GRM7: variants seen among roughly 807,000 people sequenced by gnomAD.
GRM7 encodes metabotropic glutamate receptor 7.
A neutral mutation model predicts 84.5 loss-of-function variants in GRM7; 35 were observed. That is an observed-to-expected ratio of 0.41 (90% CI 0.32 to 0.55). The LOEUF (loss-of-function observed/expected upper bound fraction) is 0.55. Among genes scored for constraint, GRM7 ranks in the 20% least tolerant of loss-of-function variants. The pLI is 0.19. For missense variants in GRM7, 1,003 were observed against 1,194.6 expected (o/e 0.84, Z 2.36); for synonymous variants, 487 against 455.1 (o/e 1.07, Z -0.89).
chr3:7,514,970 C>CATCT (rs1181910448), intron 7 of GRM7, among the ~76,000 whole-genome samples: 5 of 151,600 alleles, frequency 3.3e-5, no homozygotes, highest in Non-Finnish European at 7.4e-5. Flanking sequence ...TCACAGAAGA[C>CATCT]ATCTAGTGCT....
intron 4 of GRM7, among the ~76,000 whole-genome samples, chr3:7,395,134 G>A (rs528149590): frequency 9.9e-5 from 15 of 151,438 alleles, no homozygotes; most frequent in South Asian, 2.1e-4. Context: ...CTTCTTTTCC[G>A]CTTTAAATAT....
intron 1 of GRM7, among the ~76,000 whole-genome samples, chr3:7,100,625 C>G (rs893904488): frequency 3.3e-4 from 50 of 151,670 alleles, no homozygotes; most frequent in African/African-American, 1.1e-3. Flanking sequence ...GGAAATGCGA[C>G]TTTTCTTAAC....
intron 8 of GRM7, among the ~76,000 whole-genome samples, chr3:7,581,034 C>T (rs1695224726): frequency 6.6e-6 from 1 of 152,062 alleles, no homozygotes; most frequent in African/African-American, 2.4e-5. Flanking sequence ...AGGTTGAAGA[C>T]ATTAAAACCT....
chr3:7,581,969 T>C (rs1695279039), intron 8 of GRM7, among the ~76,000 whole-genome samples: 1 of 152,180 alleles, frequency 6.6e-6, no homozygotes, highest in African/African-American at 2.4e-5. Flanking sequence ...CCATGACTTC[T>C]AGAATGAGCA....
At chr3:6,901,974 T>G (rs1214305570) in intron 1 of GRM7, among the ~76,000 whole-genome samples, 1 of 152,104 alleles carries the variant, frequency 6.6e-6, no homozygotes, top group Non-Finnish European at 1.5e-5. Flanking sequence ...TTGTCTGTCT[T>G]AAGAACTTTT....
At position 7,596,598 on chromosome 3, in the gene GRM7, AG is replaced by A. The variant is rs141159739; in HGVS notation, c.2451+17244del. Among the ~76,000 whole-genome samples the A allele has an allele frequency of 7.7e-3, 1,178 of 152,252 alleles. 17 individuals carry two copies. The highest frequency in any genetic ancestry group is 0.024 in the African/African-American group (987 of 41,542). Reference sequence around the variant, plus strand: ...AGTTACCCAAAAAGTGATTGAGGAAAGGGTGAGGAGAAAGAGGGAATGAACC... The same window carrying A: ...AGTTACCCAAAAAGTGATTGAGGAAAGGTGAGGAGAAAGAGGGAATGAACC... On this transcript the variant is annotated intron_variant, in intron 8 of 9. Transcript: ENST00000357716.
chr3:7,291,420 G>A (rs573244195), intron 2 of GRM7, among the ~76,000 whole-genome samples: 2 of 151,940 alleles, frequency 1.3e-5, no homozygotes, highest in Admixed American at 1.3e-4. Flanking sequence ...CTGTGGCCTA[G>A]TGGTGCCAAG....
intron 1 of GRM7, among the ~76,000 whole-genome samples, chr3:6,885,270 C>G (rs1282235758): frequency 3.3e-5 from 5 of 152,144 alleles, no homozygotes; most frequent in African/African-American, 1.2e-4. Context: ...GCAGGGCTAC[C>G]CCCTAGGCAG....
chr3:7,143,339 C>T (rs901292065), intron 1 of GRM7, among the ~76,000 whole-genome samples: 13 of 152,124 alleles, frequency 8.5e-5, no homozygotes, highest in African/African-American at 2.9e-4. Context: ...AGTCCTTCAC[C>T]TCTATTGCTA....
intron 8 of GRM7, among the ~76,000 whole-genome samples, chr3:7,654,877 A>G (rs534109845): frequency 1.3e-5 from 2 of 152,178 alleles, no homozygotes; most frequent in Non-Finnish European, 2.9e-5. Flanking sequence ...CCACACATAT[A>G]TTTTACTTCT....
At chr3:7,546,215 G>T (rs1283631862) in intron 7 of GRM7, among the ~76,000 whole-genome samples, 2 of 152,134 alleles carry the variant, frequency 1.3e-5, no homozygotes, top group East Asian at 3.8e-4. Context: ...AGAAAAGTTG[G>T]AAAGAATGGT....
chr3:7,571,605 G>A (rs2125046138), intron 7 of GRM7, among the ~76,000 whole-genome samples: 3 of 152,264 alleles, frequency 2.0e-5, no homozygotes, highest in Admixed American at 2.0e-4. Context: ...CATTCAACAA[G>A]TCTTTAGAGA....
At chr3:6,987,861 A>G (rs1220844878) in intron 1 of GRM7, among the ~76,000 whole-genome samples, 3 of 152,164 alleles carry the variant, frequency 2.0e-5, no homozygotes, top group Non-Finnish European at 2.9e-5. Flanking sequence ...CTAGGCCAGG[A>G]TGGTAGCCAT....
intron 1 of GRM7, among the ~76,000 whole-genome samples, chr3:7,052,545 A>C (rs2124956966): frequency 6.6e-6 from 1 of 151,334 alleles, no homozygotes; most frequent in African/African-American, 2.4e-5. Context: ...TTTGAATTTA[A>C]TCATCCCACC....
intron 2 of GRM7, among the ~76,000 whole-genome samples, chr3:7,249,429 C>T (rs1697895682): frequency 6.6e-6 from 1 of 152,068 alleles, no homozygotes; most frequent in African/African-American, 2.4e-5. Context: ...TTGAAGATTT[C>T]TCTGTATTAC....
intron 7 of GRM7, among the ~76,000 whole-genome samples, chr3:7,525,196 C>T (rs1008965528): frequency 1.3e-5 from 2 of 151,800 alleles, no homozygotes; most frequent in Non-Finnish European, 2.9e-5. Flanking sequence ...AGCACACCAG[C>T]ATGGCACATG....
intron 2 of GRM7, among the ~76,000 whole-genome samples, chr3:7,236,901 A>G (rs78213640): frequency 0.029 from 4,487 of 152,292 alleles, 184 homozygotes; most frequent in African/African-American, 0.095. Flanking sequence ...TTATGCAGCA[A>G]TAGCTCTCAG....
At chr3:6,952,523 T>C (rs901699068) in intron 1 of GRM7, among the ~76,000 whole-genome samples, 13 of 152,328 alleles carry the variant, frequency 8.5e-5, no homozygotes, top group African/African-American at 3.1e-4. Flanking sequence ...ACTCTTCAAC[T>C]GAAGAAGTCT....
chr3:6,978,058 CA>C (rs200971895), intron 1 of GRM7, among the ~76,000 whole-genome samples: 25,322 of 151,944 alleles, frequency 0.17, 2,341 homozygotes, highest in Admixed American at 0.21. Flanking sequence ...ATTGGGCTCA[CA>C]ATAGAGTTTT....
Sources: allele counts gnomAD v4.1 joint callset (sites outside exome capture counted in the v4.1 genomes callset), GRCh38; gene constraint gnomAD v4.1.1; transcripts MANE v1.5; gene names NCBI Gene and HGNC (gene_info 2026-07-23, HGNC 2026-07-21).